MRTFB: variants seen among roughly 807,000 people sequenced by gnomAD.
MRTFB encodes the protein myocardin-related transcription factor B.
Under a neutral mutation model 104.2 loss-of-function variants are expected in MRTFB, and 29 were observed. The ratio of observed to expected loss-of-function variants is 0.28; its 90% CI spans 0.21 to 0.38. The LOEUF is 0.38. MRTFB is among the 10% of genes least tolerant of loss of function. The pLI, the probability that MRTFB is intolerant of heterozygous loss-of-function variation, is 1.00. For missense variants in MRTFB, 1,270 were observed against 1,341.6 expected, an observed-to-expected ratio of 0.95 and a Z score of 0.83; for synonymous variants, 535 against 519.5, an observed-to-expected ratio of 1.03 and a Z score of -0.41.
At chr16:14,044,820 G>A in the MRTFB span, among the ~76,000 whole-genome samples, 4 of 152,186 alleles carry the variant, frequency 2.6e-5, no homozygotes, top group East Asian at 1.9e-4. Flanking sequence ...CCAATGTTTC[G>A]GAATACTGCT....
At chr16:14,210,189 A>G in intron 3 of MRTFB, 54 bp from the exon 4 acceptor site, 1 of 1,405,788 alleles carries the variant, frequency 7.1e-7, no homozygotes, top group Non-Finnish European at 1.0e-6. Flanking sequence ...AATCACATAA[A>G]TCGGATCCCA....
chr16:14,187,542 G>T (rs775691789), intron 3 of MRTFB, among the ~76,000 whole-genome samples: 1 of 152,142 alleles, frequency 6.6e-6, no homozygotes, highest in South Asian at 2.1e-4. Context: ...GCATTGCATC[G>T]TTTTTTGTTT....
At chr16:14,209,505 A>G (rs2041097432) in intron 3 of MRTFB, among the ~76,000 whole-genome samples, 1 of 152,192 alleles carries the variant, frequency 6.6e-6, no homozygotes, top group African/African-American at 2.4e-5. Context: ...AAAAATATGT[A>G]GATGCTTATA....
chr16:14,066,881 G>A (rs1210506842), upstream of MRTFB, among the ~76,000 whole-genome samples: 4 of 152,016 alleles, frequency 2.6e-5, no homozygotes, highest in Non-Finnish European at 4.4e-5. Flanking sequence ...ATGTTGCCCA[G>A]GCTGGTCTCA....
the MRTFB span, among the ~76,000 whole-genome samples, chr16:14,017,711 ATTTTTTT>A: frequency 0.017 from 562 of 33,570 alleles, 26 homozygotes; most frequent in Middle Eastern, 0.1. Flanking sequence ...ATATATATAT[ATTTTTTT>A]TTTTTTTTTT....
chr16:14,039,760 C>CTTTTTTTTTTTTTTT, the MRTFB span, among the ~76,000 whole-genome samples: 2 of 121,938 alleles, frequency 1.6e-5, no homozygotes, highest in African/African-American at 3.1e-5. Flanking sequence ...ATAATATGTT[C>CTTTTTTTTTTTTTTT]TTTTTTTTTT....
intron 3 of MRTFB, among the ~76,000 whole-genome samples, chr16:14,179,437 G>A (rs1346091012): frequency 1.3e-5 from 2 of 152,202 alleles, no homozygotes; most frequent in African/African-American, 4.8e-5. Context: ...TCATCCAGGT[G>A]ATCAAGGAGA....
the MRTFB span, among the ~76,000 whole-genome samples, chr16:14,059,689 G>A: frequency 3.6e-4 from 55 of 152,288 alleles, no homozygotes; most frequent in African/African-American, 1.3e-3. Flanking sequence ...TGTGAGAAAG[G>A]AGGAAAATCA....
upstream of MRTFB, among the ~76,000 whole-genome samples, chr16:14,070,951 A>G (rs1309777281): frequency 2.0e-5 from 3 of 152,198 alleles, no homozygotes; most frequent in Non-Finnish European, 4.4e-5. Flanking sequence ...GTGAGGACCG[A>G]AGGGGGCTGT....
chr16:14,126,063 A>G (rs1458930147), intron 2 of MRTFB, among the ~76,000 whole-genome samples: 3 of 152,206 alleles, frequency 2.0e-5, no homozygotes, highest in Non-Finnish European at 4.4e-5. Context: ...ACATGGAGAA[A>G]TTTATTTTAC....
the MRTFB span, among the ~76,000 whole-genome samples, chr16:14,031,792 C>A: frequency 6.6e-6 from 1 of 151,966 alleles, no homozygotes; most frequent in East Asian, 1.9e-4. Flanking sequence ...ATACCTGAGT[C>A]TGTGTTCGTG....
intron 13 of MRTFB, among the ~76,000 whole-genome samples, chr16:14,249,423 GAT>G (rs1397499120): frequency 6.6e-6 from 1 of 152,180 alleles, no homozygotes; most frequent in Non-Finnish European, 1.5e-5. Flanking sequence ...TGGAAAAAAA[GAT>G]ATGCTGTTCC....
intron 3 of MRTFB, among the ~76,000 whole-genome samples, chr16:14,205,500 C>T (rs1249814540): frequency 1.3e-5 from 2 of 152,202 alleles, no homozygotes; most frequent in African/African-American, 4.8e-5. Flanking sequence ...ATATCTGTCC[C>T]CCTTTTTTGA....
chr16:14,026,403 A>G, the MRTFB span, among the ~76,000 whole-genome samples: 3 of 152,216 alleles, frequency 2.0e-5, no homozygotes, highest in Non-Finnish European at 4.4e-5. Flanking sequence ...TTATGCAAAA[A>G]TTAACTCAGA....
chr16:14,041,950 T>G, the MRTFB span, among the ~76,000 whole-genome samples: 1 of 152,060 alleles, frequency 6.6e-6, no homozygotes, highest in East Asian at 1.9e-4. Flanking sequence ...TAAAATTTAG[T>G]TCTTTGGGGT....
chr16:14,079,033 T>C (rs2034240289), intron 1 of MRTFB, among the ~76,000 whole-genome samples: 1 of 152,208 alleles, frequency 6.6e-6, no homozygotes, highest in Non-Finnish European at 1.5e-5. Context: ...CCCGAACTCT[T>C]AGCCCGCTGC....
At chr16:14,091,932 T>C (rs1596780646) in intron 2 of MRTFB, among the ~76,000 whole-genome samples, 2 of 140,392 alleles carry the variant, frequency 1.4e-5, no homozygotes, top group Admixed American at 1.6e-4. Context: ...GAGGCGGAGG[T>C]TGCAGTGAGC....
rs113231544 is a variant in MRTFB at position 14,084,945 on chromosome 16, G to A, written c.-64+5591G>A. On this transcript the variant is annotated intron_variant, in intron 2 of 16. Coordinates refer to ENST00000571589, the MANE Select transcript of MRTFB (RefSeq NM_001308142.2). The stretch of plus-strand genomic sequence containing the variant: ...CAAACAAGAAAATCAGAGAGCCAGC[G>A]TAGGCAATATAGTGAGACCCTGTCT... 6.4e-3 allele frequency among the ~76,000 whole-genome samples: 980 copies of A among 152,206 alleles called. 9 individuals carry two copies. Among genetic ancestry groups the A allele is most frequent in the African/African-American group, 0.022 (906 of 41,524 alleles).
chr16:14,134,271 T>A (rs72783498), intron 2 of MRTFB, among the ~76,000 whole-genome samples: 8 of 152,214 alleles, frequency 5.3e-5, no homozygotes, highest in Admixed American at 5.2e-4. Flanking sequence ...TTTTATAGTA[T>A]ATTTTTTCTG....
Sources: allele counts gnomAD v4.1 joint callset (sites outside exome capture counted in the v4.1 genomes callset), GRCh38; gene constraint gnomAD v4.1.1; transcripts MANE v1.5; gene names NCBI Gene and HGNC (gene_info 2026-07-23, HGNC 2026-07-21).